LRP5: variants seen among roughly 807,000 people sequenced by gnomAD.
LRP5 encodes LDL receptor related protein 5, also known as low-density lipoprotein receptor-related protein 5.
LRP5 carries 62 observed loss-of-function variants against 154.1 expected under a neutral mutation model. The observed-to-expected ratio is 0.40, with a 90% CI of 0.33 to 0.50. The LOEUF is 0.50. Ranked by LOEUF, LRP5 falls within the 20% of genes least tolerant of loss-of-function variation. The pLI is 0.55. For missense variants in LRP5, 1,915 were observed against 2,336.7 expected (o/e 0.82, Z 3.72); for synonymous variants, 966 against 1,011.5 (o/e 0.96, Z 0.85).
rs76056830 is a variant in LRP5 at position 68,339,663 on chromosome 11, G to A, written c.92-8184G>A. On this transcript the variant is annotated intron_variant, in intron 1 of 22. Transcript: ENST00000294304. ...ACCTGGCCATAATATTCGTTTTTAT[G>A]CATCATTCCTTTTTATGGCCCCTCT... Among the ~76,000 whole-genome samples, 61 of 152,146 alleles carry A rather than the reference G, an allele frequency of 4.0e-4. No individual in the cohort carries two copies. The East Asian group carries it at 0.011, about 28-fold the overall frequency.
upstream of LRP5, among the ~76,000 whole-genome samples, chr11:68,310,937 G>A (rs1405506580): frequency 6.6e-6 from 1 of 151,916 alleles, no homozygotes; most frequent in East Asian, 1.9e-4. Context: ...GTTGGAGCAG[G>A]CCCTGCAGGT....
At chr11:68,415,259 C>T (rs1477739892) in intron 12 of LRP5, among the ~76,000 whole-genome samples, 1 of 152,190 alleles carries the variant, frequency 6.6e-6, no homozygotes, top group East Asian at 1.9e-4. Context: ...GTGGCATGTG[C>T]TGCTCACTGA....
At chr11:68,432,510 C>T (rs534842031) in intron 17 of LRP5, among the ~76,000 whole-genome samples, 5 of 152,328 alleles carry the variant, frequency 3.3e-5, no homozygotes, top group South Asian at 2.1e-4. Context: ...CCCTGTCACT[C>T]GGGTGAGCCC....
At chr11:68,365,186 G>A (rs2098630280) in intron 4 of LRP5, among the ~76,000 whole-genome samples, 1 of 152,226 alleles carries the variant, frequency 6.6e-6, no homozygotes, top group Non-Finnish European at 1.5e-5. Context: ...GTGGGGGGCA[G>A]CCTTTGCAGA....
intron 21 of LRP5, among the ~76,000 whole-genome samples, chr11:68,441,727 G>T (rs1248854375): frequency 2.0e-5 from 3 of 152,192 alleles, no homozygotes; most frequent in African/African-American, 7.2e-5. Flanking sequence ...TGAGCAGCCA[G>T]CTAATTTTTT....
At chr11:68,341,232 A>C (rs2098608970) in intron 1 of LRP5, among the ~76,000 whole-genome samples, 1 of 151,856 alleles carries the variant, frequency 6.6e-6, no homozygotes, top group African/African-American at 2.4e-5. Context: ...TGTTTCTGAA[A>C]GGTTTGTTCT....
intron 5 of LRP5, among the ~76,000 whole-genome samples, chr11:68,374,154 G>A (rs1029316915): frequency 2.6e-5 from 4 of 152,328 alleles, no homozygotes; most frequent in African/African-American, 9.6e-5. Context: ...GAGGAACAGA[G>A]GGGGCCACTG....
At position 68,423,529 on chromosome 11, in the gene LRP5, AC is replaced by A; in HGVS notation, c.3069del (p.Asp1023GlufsTer31). 2.5e-6 allele frequency: 4 copies of A among 1,614,210 alleles called. No homozygotes were observed. The highest frequency in any genetic ancestry group is 3.4e-6 in the Non-Finnish European group (4 of 1,180,024). On this transcript the variant is annotated frameshift_variant, in exon 14 of 23. Coordinates refer to ENST00000294304, the MANE Select transcript of LRP5 (RefSeq NM_002335.4). LOFTEE classifies it high-confidence loss of function. The surrounding 1 kb of genome is among the most constrained non-coding windows in gnomAD (Gnocchi z 4.7). ...TCTCTGAGCCAAGGCCAAAACCCAG[AC>A]AGGCAGCCCCACGACCTCAGCATCG... is the stretch of plus-strand genomic sequence containing the variant. ...LTSLSQGQNP[D>X]RQPHDLSIDI...
intron 5 of LRP5, among the ~76,000 whole-genome samples, chr11:68,382,552 C>T (rs947565844): frequency 2.0e-5 from 3 of 152,180 alleles, no homozygotes; most frequent in African/African-American, 7.2e-5. Flanking sequence ...CCAAGGGCGT[C>T]CTGAGGGCAG....
intron 5 of LRP5, among the ~76,000 whole-genome samples, chr11:68,372,135 A>G (rs556758561): frequency 6.6e-6 from 1 of 152,264 alleles, no homozygotes; most frequent in South Asian, 2.1e-4. Context: ...AGGATTCAGG[A>G]TGGAAGACAT....
chr11:68,351,800 C>T (rs961798345), intron 2 of LRP5, among the ~76,000 whole-genome samples: 5 of 152,098 alleles, frequency 3.3e-5, no homozygotes, highest in African/African-American at 1.2e-4. Flanking sequence ...GGTGCTGTGG[C>T]GAGGGGCTTC....
Position 68,449,100 on chromosome 11 carries a change from G to A in LRP5, c.*30G>A, listed in dbSNP as rs1355213780. On this transcript the variant is annotated 3_prime_UTR_variant, in exon 23 of 23. Coordinates refer to ENST00000294304, the MANE Select transcript of LRP5 (RefSeq NM_002335.4). Reference sequence around the variant, plus strand: ...GGCCGGGCCACTCTGGCTTCTCTGTGCCCCTGTAAATAGTTTTAAATATGA... The same window carrying A: ...GGCCGGGCCACTCTGGCTTCTCTGTACCCCTGTAAATAGTTTTAAATATGA... 2.0e-6 allele frequency: 3 copies of A among 1,503,818 alleles called. No homozygotes were observed. The highest frequency in any genetic ancestry group is 8.8e-7 in the Non-Finnish European group (1 of 1,130,686). The allele number at this position is 1,503,818 out of a possible 1,614,324, so 93.2% of individuals were successfully genotyped here.
chr11:68,323,961 G>T (rs2098598215), intron 1 of LRP5, among the ~76,000 whole-genome samples: 1 of 152,196 alleles, frequency 6.6e-6, no homozygotes, highest in Non-Finnish European at 1.5e-5. Flanking sequence ...TCATTCATTT[G>T]CTGTGGCCAC....
At chr11:68,339,403 A>C (rs990450320) in intron 1 of LRP5, among the ~76,000 whole-genome samples, 2 of 151,976 alleles carry the variant, frequency 1.3e-5, no homozygotes, top group Admixed American at 1.3e-4. Context: ...GCTGGAGTGC[A>C]GTGGTGCAAT....
At chr11:68,364,358 ATGTGTGTGTGTGTGTG>A (rs113821152) in intron 4 of LRP5, among the ~76,000 whole-genome samples, 11 of 145,426 alleles carry the variant, frequency 7.6e-5, no homozygotes, top group African/African-American at 2.5e-4. Flanking sequence ...ATACATATAT[ATGTGTGTGTGTGTGTG>A]TGTGTGTGTG....
Position 68,406,664 on chromosome 11 carries a change from G to T in LRP5, c.1942G>T (p.Val648Phe). 6.2e-7 allele frequency: 1 copy of T among 1,614,156 alleles called. No homozygotes were observed. The highest frequency in any genetic ancestry group is 8.5e-7 in the Non-Finnish European group (1 of 1,180,038). ...CTGCATCGTGCCTGAGGCCTTCTTG[G>T]TCTTCACCAGCAGAGCCGCCATCCA... The part of the protein sequence containing the change: ...KTCIVPEAFL[V>F]FTSRAAIHRI... The change falls in exon 9 of 23, where the codon GTC (valine) becomes TTC (phenylalanine). Residue 648 changes from valine to phenylalanine, a missense_variant. Around this residue, in one of 3 missense-constraint regions of LRP5, gnomAD observed 773 missense variants for 1,100.9 expected, o/e 0.70. Transcript: ENST00000294304.
intron 5 of LRP5, among the ~76,000 whole-genome samples, chr11:68,372,496 C>CCGGGACCGTGGCGGCGAG (rs2098634752): frequency 6.6e-6 from 1 of 151,966 alleles, no homozygotes; most frequent in Non-Finnish European, 1.5e-5. Flanking sequence ...TCAGGCAGAC[C>CCGGGACCGTGGCGGCGAG]GGGGACTTGG....
intron 5 of LRP5, among the ~76,000 whole-genome samples, chr11:68,385,501 G>A (rs769993786): frequency 2.6e-5 from 4 of 152,258 alleles, no homozygotes; most frequent in South Asian, 2.1e-4. Context: ...TGTGGAGGCC[G>A]CGGTGCAGCC....
In LRP5 at chr11:68,439,894, C is replaced by T. The variant is rs376584791; in HGVS notation, c.4466C>T (p.Thr1489Met). Reference sequence around the variant, plus strand: ...GCCTCGTCCAGCAGCTCGTCCAGCACGAAGGCCACGCTGTACCCGCCGGTG... The same window carrying T: ...GCCTCGTCCAGCAGCTCGTCCAGCATGAAGGCCACGCTGTACCCGCCGGTG... ...TGASSSSSSS[T>M]KATLYPPILN... The change falls in exon 21 of 23, where the codon ACG becomes ATG. Residue 1489 changes from threonine to methionine, a missense_variant. Thr to Met is a moderately conservative substitution (Grantham distance 81, BLOSUM62 -1). Transcript: ENST00000294304. 256 of 1,547,946 alleles carry T rather than the reference C, an allele frequency of 1.7e-4. No individual in the cohort carries two copies. The highest frequency in any genetic ancestry group is 2.1e-4 in the Non-Finnish European group (246 of 1,149,504).
Sources: allele counts gnomAD v4.1 joint callset (sites outside exome capture counted in the v4.1 genomes callset), GRCh38; gene constraint gnomAD v4.1.1; regional missense constraint gnomAD v4.1.1; non-coding constraint Gnocchi (gnomAD v3.1); transcripts MANE v1.5; gene names NCBI Gene and HGNC (gene_info 2026-07-23, HGNC 2026-07-21).